CACNA1S: variants seen among roughly 807,000 people sequenced by gnomAD.
CACNA1S encodes the protein voltage-dependent L-type calcium channel subunit alpha-1S.
Under a neutral mutation model 207.4 loss-of-function variants are expected in CACNA1S, and 126 were observed. That is an observed-to-expected ratio of 0.61 (90% CI 0.53 to 0.70). The LOEUF (loss-of-function observed/expected upper bound fraction) is 0.70, where lower values mean the gene tolerates loss of function less well. Ranked by LOEUF, CACNA1S falls within the 30% of genes least tolerant of loss-of-function variation. The pLI is 0.00. For synonymous variants in CACNA1S, 960 were observed against 932.7 expected (o/e 1.03, Z -0.53); for missense variants, 2,349 against 2,422.8 (o/e 0.97, Z 0.64).
chr1:201,071,841 C>G (rs925811323), intron 16 of CACNA1S, among the ~76,000 whole-genome samples: 2 of 152,226 alleles, frequency 1.3e-5, no homozygotes, highest in Non-Finnish European at 2.9e-5. Flanking sequence ...CAGCTCCATT[C>G]TCCCCATACT....
chr1:201,048,458 G>A, intron 36 of CACNA1S, 124 bp downstream of exon 36: 1 of 833,062 alleles, frequency 1.2e-6, no homozygotes, highest in Non-Finnish European at 2.0e-6. Context: ...ATGGCCTGGG[G>A]TCCTCCCTCT....
At position 201,040,009 on chromosome 1, in the gene CACNA1S, G is replaced by A. The variant is rs752375451; in HGVS notation, c.5444C>T (p.Ala1815Val). ...NFIMATGQAL[A>V]DACQMEPEEV... ...CTCTGGTTCCATTTGGCAGGCATCT[G>A]CCAGGGCCTGGCCTGTTGCCATGAT... The change falls in exon 44 of 44, where the codon GCA becomes GTA. Residue 1815 changes from alanine (A) to valine (V), a missense_variant. Coordinates refer to ENST00000362061, the MANE Select transcript of CACNA1S (RefSeq NM_000069.3). The A allele has an allele frequency of 2.5e-6, 4 of 1,614,276 alleles. No individual in the cohort carries two copies. Among genetic ancestry groups the A allele is most frequent in the Non-Finnish European group, 3.4e-6 (4 of 1,180,048 alleles).
intron 26 of CACNA1S, among the ~76,000 whole-genome samples, chr1:201,060,167 C>T (rs1660991338): frequency 6.6e-6 from 1 of 152,206 alleles, no homozygotes; most frequent in Non-Finnish European, 1.5e-5. Context: ...TTACACCATC[C>T]TATTTATACA....
At chr1:201,098,966 C>T (rs1157025555) in intron 2 of CACNA1S, among the ~76,000 whole-genome samples, 2 of 152,210 alleles carry the variant, frequency 1.3e-5, no homozygotes, top group African/African-American at 4.8e-5. Context: ...ACAGGCCTTG[C>T]ACCTGCTCCC....
At chr1:201,107,050 C>T (rs1406594290) in intron 2 of CACNA1S, among the ~76,000 whole-genome samples, 1 of 152,246 alleles carries the variant, frequency 6.6e-6, no homozygotes, top group Non-Finnish European at 1.5e-5. Context: ...AAGCTGAGAG[C>T]CCCTCCTTAG....
At chr1:201,085,182 G>T in intron 8 of CACNA1S, 151 bp from the exon 9 acceptor site, 1 of 753,546 alleles carries the variant, frequency 1.3e-6, no homozygotes, top group Non-Finnish European at 2.3e-6. Context: ...GCTTTCCAGA[G>T]ACTGAGAGTT....
chr1:201,094,054 T>C (rs1662329293), intron 2 of CACNA1S, 33 bp from the exon 3 acceptor site: 2 of 1,613,938 alleles, frequency 1.2e-6, no homozygotes, highest in Non-Finnish European at 1.7e-6. Context: ...AGCATGCCTC[T>C]GTGCTCTCTG....
chr1:201,085,680 G>C, intron 7 of CACNA1S, 99 bp from the exon 8 acceptor site: 1 of 1,431,822 alleles, frequency 7.0e-7, no homozygotes, highest in African/African-American at 1.4e-5. Context: ...TCTGTGACTG[G>C]AGCGCTCCTT....
intron 39 of CACNA1S, among the ~76,000 whole-genome samples, chr1:201,043,863 G>A (rs552618007): frequency 3.3e-5 from 5 of 152,080 alleles, no homozygotes; most frequent in Admixed American, 6.5e-5. Context: ...TTTACTAGGT[G>A]ATATTGGACA....
At position 201,073,693 on chromosome 1, in the gene CACNA1S, C is replaced by T. The variant is rs1325106758; in HGVS notation, c.2064-51G>A. 2.1e-6 allele frequency: 3 copies of T among 1,398,008 alleles called. No individual in the cohort carries two copies. The African/African-American group carries it at 4.2e-5, about 20-fold the overall frequency. 86.6% of individuals were successfully genotyped at this position (1,398,008 alleles called of 1,614,324 possible). ...GCCAAACCAGAAAGTTCTCAGGGAT[C>T]TGCTGAACCTGACAACACCTTCAGG... On this transcript the variant is annotated intron_variant, in intron 14 of 43. Coordinates refer to ENST00000362061, the MANE Select transcript of CACNA1S (RefSeq NM_000069.3).
intron 19 of CACNA1S, among the ~76,000 whole-genome samples, chr1:201,068,213 C>A (rs1300669302): frequency 6.8e-6 from 1 of 146,684 alleles, no homozygotes. Flanking sequence ...ACAAATCACA[C>A]AGCTCCCCGG....
In CACNA1S at chr1:201,043,438, C is replaced by A. The variant is rs1249815028; in HGVS notation, c.4891G>T (p.Ala1631Ser). 1 of 1,614,116 alleles carries A rather than the reference C, an allele frequency of 6.2e-7. No homozygotes were observed. The highest frequency in any genetic ancestry group is 2.2e-5 in the East Asian group (1 of 44,870). The change falls in exon 40 of 44, where the codon GCT (alanine) becomes TCT (serine). Residue 1631 changes from alanine to serine, a missense_variant. By Grantham distance (99) the Ala-to-Ser change is moderately conservative. Coordinates refer to ENST00000362061, the MANE Select transcript of CACNA1S (RefSeq NM_000069.3). Reference sequence around the variant, plus strand: ...TCCATCTCTTCCATCTCTATCTCAGCAAACTGGAGGGGTCTCTGATTGGCC... The same window carrying A: ...TCCATCTCTTCCATCTCTATCTCAGAAAACTGGAGGGGTCTCTGATTGGCC... ...VMANQRPLQF[A>S]EIEMEEMESP... is the part of the protein sequence containing the mutation.
At chr1:201,078,627 A>T (rs530957429) in intron 10 of CACNA1S, among the ~76,000 whole-genome samples, 1 of 151,704 alleles carries the variant, frequency 6.6e-6, no homozygotes, top group South Asian at 2.1e-4. Context: ...AATTCTACTG[A>T]AGTTCATTAA....
At chr1:201,058,595 G>C in intron 27 of CACNA1S, 104 bp from the exon 28 acceptor site, 1 of 908,322 alleles carries the variant, frequency 1.1e-6, no homozygotes, top group Non-Finnish European at 1.8e-6. Context: ...GCGGAGCTGC[G>C]GGTTAGGCCA....
chr1:201,096,973 C>G (rs960811132), intron 2 of CACNA1S, among the ~76,000 whole-genome samples: 8 of 152,184 alleles, frequency 5.3e-5, no homozygotes, highest in African/African-American at 1.9e-4. Flanking sequence ...GGAACTCCTT[C>G]TCCTGATAAA....
At chr1:201,094,405 T>C (rs1168384258) in intron 2 of CACNA1S, among the ~76,000 whole-genome samples, 1 of 152,200 alleles carries the variant, frequency 6.6e-6, no homozygotes, top group Non-Finnish European at 1.5e-5. Flanking sequence ...TCTTCTCCAC[T>C]AGAATATAAA....
chr1:201,100,573 C>A (rs571768929), intron 2 of CACNA1S, among the ~76,000 whole-genome samples: 22 of 152,346 alleles, frequency 1.4e-4, no homozygotes, highest in African/African-American at 5.1e-4. Flanking sequence ...GTTCCCTCTT[C>A]CCCTCCCTGT....
chr1:201,085,633 A>G, intron 7 of CACNA1S, 52 bp from the exon 8 acceptor site: 12 of 1,603,752 alleles, frequency 7.5e-6, no homozygotes, highest in Non-Finnish European at 1.0e-5. Context: ...AACAGTGTCA[A>G]GGAAAGACTG....
chr1:201,049,557 A>T (rs1660586386), intron 34 of CACNA1S, among the ~76,000 whole-genome samples: 1 of 152,124 alleles, frequency 6.6e-6, no homozygotes, highest in African/African-American at 2.4e-5. Flanking sequence ...AAACAGAACA[A>T]CCAGGGAGGT....
Sources: gnomAD v4.1 joint callset for allele counts (sites outside exome capture counted in the v4.1 genomes callset) on GRCh38, gnomAD v4.1.1 for gene constraint, MANE v1.5 for transcripts, NCBI Gene and HGNC (gene_info 2026-07-23, HGNC 2026-07-21) for gene names.